The following GALNT13 variants were observed in gnomAD, a reference collection of about 807,000 sequenced individuals.
The protein encoded by GALNT13 is polypeptide N-acetylgalactosaminyltransferase 13, also known as UDP-GalNAc:polypeptide N-acetylgalactosaminyltransferase 13.
Under a neutral mutation model 64.2 loss-of-function variants are expected in GALNT13, and 28 were observed. The observed-to-expected ratio is 0.44, with a 90% CI of 0.32 to 0.60. The LOEUF is 0.60. Ranked by LOEUF, GALNT13 falls within the 20% of genes least tolerant of loss-of-function variation. The pLI is 0.05. For missense variants in GALNT13, 577 were observed against 669.8 expected (o/e 0.86, Z 1.53); for synonymous variants, 214 against 224.6 (o/e 0.95, Z 0.42).
the GALNT13 span, among the ~76,000 whole-genome samples, chr2:153,450,417 T>C: frequency 1.3e-5 from 2 of 152,150 alleles, no homozygotes; most frequent in Non-Finnish European, 2.9e-5. Flanking sequence ...AAATGATCCA[T>C]GATCAAATTT....
chr2:154,337,466 A>T (rs576196807), intron 9 of GALNT13, among the ~76,000 whole-genome samples: 2 of 152,182 alleles, frequency 1.3e-5, no homozygotes, highest in South Asian at 4.1e-4. Context: ...CATCTAGATC[A>T]TGGGTATATA....
chr2:154,247,976 A>T (rs1187407944), intron 7 of GALNT13, among the ~76,000 whole-genome samples: 1 of 152,124 alleles, frequency 6.6e-6, no homozygotes, highest in African/African-American at 2.4e-5. Context: ...TTGCTTGAAG[A>T]TGTGATCATT....
chr2:154,267,938 A>G (rs1046951916), intron 8 of GALNT13, among the ~76,000 whole-genome samples: 36 of 152,202 alleles, frequency 2.4e-4, no homozygotes, highest in African/African-American at 6.3e-4. Context: ...ATGAGATTAC[A>G]CTATGCATTT....
At chr2:154,016,448 C>T (rs577090538) in intron 3 of GALNT13, among the ~76,000 whole-genome samples, 3 of 152,182 alleles carry the variant, frequency 2.0e-5, no homozygotes, top group African/African-American at 4.8e-5. Context: ...GACAGAGTCT[C>T]GCTCTGTCAC....
At chr2:154,419,214 G>A (rs1212254229) in intron 11 of GALNT13, among the ~76,000 whole-genome samples, 2 of 152,052 alleles carry the variant, frequency 1.3e-5, no homozygotes, top group African/African-American at 4.8e-5. Flanking sequence ...TGAAAACTTG[G>A]AGTTGATAAA....
chr2:154,452,731 T>C lies in GALNT13; in HGVS notation c.*2180T>C, dbSNP rs932054521. On this transcript the variant is annotated 3_prime_UTR_variant, in exon 13 of 13. Transcript: ENST00000392825. ...TTCAGATGGCTTGAACACGTGCCATTATAGTATCTAACAAAAAGTGGCATA... is the reference window on the plus strand; with the variant it reads ...TTCAGATGGCTTGAACACGTGCCATCATAGTATCTAACAAAAAGTGGCATA... The C allele has an allele frequency of 6.6e-6, 1 of 152,300 alleles. No homozygotes were observed. The highest frequency in any genetic ancestry group is 6.5e-5 in the Admixed American group (1 of 15,278). 9.4% of individuals were successfully genotyped at this position (152,300 alleles called of 1,614,324 possible).
At chr2:153,544,410 T>A in the GALNT13 span, among the ~76,000 whole-genome samples, 2 of 152,208 alleles carry the variant, frequency 1.3e-5, no homozygotes, top group Non-Finnish European at 2.9e-5. Context: ...TCTTAACAGG[T>A]TGATCATAAT....
chr2:154,394,289 T>C (rs1251510385), intron 9 of GALNT13, among the ~76,000 whole-genome samples: 2 of 152,050 alleles, frequency 1.3e-5, no homozygotes, highest in Non-Finnish European at 2.9e-5. Context: ...AAAAGAATAG[T>C]ATTTCATGAC....
At chr2:154,070,783 G>A (rs1700699365) in intron 3 of GALNT13, among the ~76,000 whole-genome samples, 1 of 151,996 alleles carries the variant, frequency 6.6e-6, no homozygotes, top group African/African-American at 2.4e-5. Context: ...TGGGTGTGGT[G>A]GTAGGGGCCT....
the GALNT13 span, among the ~76,000 whole-genome samples, chr2:153,352,786 C>T: frequency 1.3e-5 from 2 of 152,128 alleles, no homozygotes; most frequent in South Asian, 2.1e-4. Context: ...TATTTCTGAG[C>T]TCTTTATTCT....
chr2:153,461,339 C>T, the GALNT13 span, among the ~76,000 whole-genome samples: 1 of 151,950 alleles, frequency 6.6e-6, no homozygotes. Context: ...GACCACTTCC[C>T]CACCAGAGAG....
At chr2:154,026,825 G>A (rs1698000400) in intron 3 of GALNT13, among the ~76,000 whole-genome samples, 1 of 152,138 alleles carries the variant, frequency 6.6e-6, no homozygotes, top group African/African-American at 2.4e-5. Context: ...CTAGACATCA[G>A]TCTTGAACTT....
the GALNT13 span, among the ~76,000 whole-genome samples, chr2:153,861,125 A>C: frequency 0.82 from 125,022 of 152,132 alleles, 52,618 homozygotes; most frequent in Non-Finnish European, 0.9. Context: ...GACAGCAGTG[A>C]CTTTTAAAAA....
chr2:153,177,492 CTTAG>C, the GALNT13 span, among the ~76,000 whole-genome samples: 1 of 151,870 alleles, frequency 6.6e-6, no homozygotes, highest in African/African-American at 2.4e-5. Flanking sequence ...GGATTAATAC[CTTAG>C]TTAATGAGAA....
chr2:153,086,680 C>G, the GALNT13 span, among the ~76,000 whole-genome samples: 1 of 151,688 alleles, frequency 6.6e-6, no homozygotes, highest in African/African-American at 2.4e-5. Context: ...TGAGAACAGA[C>G]TAATACTATT....
At chr2:153,216,060 TA>T in the GALNT13 span, among the ~76,000 whole-genome samples, 2 of 151,982 alleles carry the variant, frequency 1.3e-5, no homozygotes, top group Non-Finnish European at 2.9e-5. Context: ...TCCAGAATGT[TA>T]AAGAAGTGGA....
chr2:154,152,719 G>A (rs1027324349), intron 4 of GALNT13, among the ~76,000 whole-genome samples: 5 of 151,834 alleles, frequency 3.3e-5, no homozygotes, highest in South Asian at 2.1e-4. Context: ...CCAGTTGATC[G>A]CATCGGCTCC....
chr2:154,156,461 A>G lies in GALNT13; in HGVS notation c.311+15956A>G, dbSNP rs146560514. The stretch of plus-strand genomic sequence containing the variant: ...TAAATTATGTGATAATAGTAAATGT[A>G]GCTAAATATCAATATTTATTGAATT... On this transcript the variant is annotated intron_variant, in intron 4 of 12. Coordinates refer to ENST00000392825, the MANE Select transcript of GALNT13 (RefSeq NM_052917.4). 1.1e-4 allele frequency among the ~76,000 whole-genome samples: 17 copies of G among 152,276 alleles called. No homozygotes were observed. In the East Asian group the frequency reaches 3.3e-3, roughly 29 times the overall value.
intron 8 of GALNT13, among the ~76,000 whole-genome samples, chr2:154,288,613 A>G (rs1376716903): frequency 6.6e-6 from 1 of 152,202 alleles, no homozygotes; most frequent in African/African-American, 2.4e-5. Flanking sequence ...AATAGGAGAA[A>G]TTGGCCCAAA....
Sources: allele counts gnomAD v4.1 joint callset (sites outside exome capture counted in the v4.1 genomes callset), GRCh38; gene constraint gnomAD v4.1.1; transcripts MANE v1.5; gene names NCBI Gene and HGNC (gene_info 2026-07-23, HGNC 2026-07-21).